Variants in EPB41L3 observed in about 807,000 individuals in gnomAD.
EPB41L3 encodes band 4.1-like protein 3.
Under a neutral mutation model 127.1 loss-of-function variants are expected in EPB41L3, and 57 were observed. The ratio of observed to expected loss-of-function variants is 0.45; its 90% CI spans 0.36 to 0.56. The LOEUF (loss-of-function observed/expected upper bound fraction) is 0.56. Among genes scored for constraint, EPB41L3 ranks in the 20% least tolerant of loss-of-function variants. The probability of loss-of-function intolerance (pLI) is 0.00; values close to 1 mark genes in which losing one functional copy is unlikely to be tolerated. For missense variants in EPB41L3, 1,273 were observed against 1,372.2 expected (o/e 0.93, Z 1.14); for synonymous variants, 572 against 549.5 (o/e 1.04, Z -0.57).
chr18:5,455,436 T>C (rs2082892562), intron 3 of EPB41L3, among the ~76,000 whole-genome samples: 1 of 152,200 alleles, frequency 6.6e-6, no homozygotes, highest in South Asian at 2.1e-4. Flanking sequence ...ATATTGGGTA[T>C]ACTGGCACAT....
At chr18:5,529,562 A>G (rs1376824721) in intron 1 of EPB41L3, among the ~76,000 whole-genome samples, 7 of 152,122 alleles carry the variant, frequency 4.6e-5, no homozygotes, top group African/African-American at 1.7e-4. Context: ...CTCATGGCGA[A>G]CTCACCAACA....
chr18:5,473,113 T>A (rs1398514834), intron 3 of EPB41L3, among the ~76,000 whole-genome samples: 1 of 152,114 alleles, frequency 6.6e-6, no homozygotes, highest in South Asian at 2.1e-4. Context: ...TATGGCTGCA[T>A]TTAAATTGCT....
intron 13 of EPB41L3, among the ~76,000 whole-genome samples, chr18:5,415,316 G>A (rs1264550381): frequency 1.3e-5 from 2 of 152,268 alleles, no homozygotes; most frequent in Non-Finnish European, 2.9e-5. Flanking sequence ...AGAGGGTGGT[G>A]GGGACATTTC....
intron 1 of EPB41L3, among the ~76,000 whole-genome samples, chr18:5,534,573 A>G (rs1205991226): frequency 6.6e-6 from 1 of 152,184 alleles, no homozygotes. Flanking sequence ...GGAGTTTCAT[A>G]CTCAAAAAAT....
In EPB41L3 at chr18:5,434,056, G is replaced by T; in HGVS notation, c.671C>A (p.Thr224Asn). Residue 224 changes from threonine to asparagine, a missense_variant, in exon 7 of 23, where the codon ACC becomes AAC. Thr to Asn is a moderately conservative substitution (Grantham distance 65). This residue lies in a region of EPB41L3 where 326 missense variants were observed against 440.2 expected (regional missense o/e 0.74). Coordinates refer to ENST00000341928, the MANE Select transcript of EPB41L3 (RefSeq NM_012307.5). ...VSGRLPCSFV[T>N]LALLGSYTVQ... ...AGTGTAGGAGCCCAGCAAGGCCAGG[G>T]TAACAAAGGAGCAGGGCAGCCTTCC... The T allele has an allele frequency of 6.2e-7, 1 of 1,614,174 alleles. No individual in the cohort carries two copies. Among genetic ancestry groups the T allele is most frequent in the Non-Finnish European group, 8.5e-7 (1 of 1,180,048 alleles).
chr18:5,507,840 G>C (rs537316431), intron 1 of EPB41L3, among the ~76,000 whole-genome samples: 54 of 152,284 alleles, frequency 3.5e-4, no homozygotes, highest in African/African-American at 1.1e-3. Context: ...TAGGCCTTAA[G>C]ATCACGAGTG....
intron 3 of EPB41L3, among the ~76,000 whole-genome samples, chr18:5,465,301 G>T (rs1482659012): frequency 1.3e-5 from 2 of 152,162 alleles, no homozygotes; most frequent in Admixed American, 6.5e-5. Context: ...TTAATGAGTA[G>T]CTGATGGGAA....
chr18:5,589,744 C>G (rs1183089941), intron 3 of EPB41L3, among the ~76,000 whole-genome samples: 1 of 152,140 alleles, frequency 6.6e-6, no homozygotes, highest in Non-Finnish European at 1.5e-5. Flanking sequence ...TAATTTTATG[C>G]ACACTTTTTT....
intron 1 of EPB41L3, among the ~76,000 whole-genome samples, chr18:5,512,782 T>C (rs536035515): frequency 6.6e-6 from 1 of 152,282 alleles, no homozygotes; most frequent in South Asian, 2.1e-4. Context: ...TTCCAGCTCC[T>C]ACCATAAGGT....
intron 3 of EPB41L3, among the ~76,000 whole-genome samples, chr18:5,450,712 A>C (rs1353249075): frequency 1.3e-5 from 2 of 152,256 alleles, no homozygotes; most frequent in Admixed American, 1.3e-4. Flanking sequence ...ATTTTCATTG[A>C]ATCGACATTT....
chr18:5,503,279 G>C lies in EPB41L3; in HGVS notation c.-11-14085C>G, dbSNP rs150241794. 2.2e-3 allele frequency among the ~76,000 whole-genome samples: 335 copies of C among 152,070 alleles called. 4 individuals are homozygous for C. In the South Asian group the frequency reaches 0.038, roughly 17 times the overall value. On this transcript the variant is annotated intron_variant, in intron 1 of 22. Coordinates refer to ENST00000341928, the MANE Select transcript of EPB41L3 (RefSeq NM_012307.5). ...ACCTAACTATTCATCCTACATTAACGTAACTGGATGCCACTATTTAGCAAA... is the reference window on the plus strand; with the variant it reads ...ACCTAACTATTCATCCTACATTAACCTAACTGGATGCCACTATTTAGCAAA...
intron 8 of EPB41L3, among the ~76,000 whole-genome samples, chr18:5,428,892 A>G (rs1307138379): frequency 6.6e-6 from 1 of 152,374 alleles, no homozygotes; most frequent in South Asian, 2.1e-4. Context: ...AAATAGGTAC[A>G]GAGTTCCAGC....
chr18:5,400,315 T>C, intron 16 of EPB41L3: 1 of 320,392 alleles, frequency 3.1e-6, no homozygotes. Flanking sequence ...AGGGAAGAGA[T>C]ATCAAACCAG....
At position 5,406,917 on chromosome 18, in the gene EPB41L3, C is replaced by T. The variant is rs1308048815; in HGVS notation, c.2209G>A (p.Glu737Lys). Reference sequence around the variant, plus strand: ...GTTTCTAAGAAGGTTCTTTTCAGCTCGCTAATGTTGGTTTGATGTTTCATC... The same window carrying T: ...GTTTCTAAGAAGGTTCTTTTCAGCTTGCTAATGTTGGTTTGATGTTTCATC... ...DLMKHQTNIS[E>K]LKRTFLETST... is the part of the protein sequence containing the mutation. Residue 737 changes from glutamate to lysine, a missense_variant, in exon 16 of 23, where the codon GAG becomes AAG. Glu to Lys is a moderately conservative substitution (Grantham distance 56). Coordinates refer to ENST00000341928, the MANE Select transcript of EPB41L3 (RefSeq NM_012307.5). 7 of 1,614,172 alleles carry T rather than the reference C, an allele frequency of 4.3e-6. No homozygotes were observed. Among genetic ancestry groups the T allele is most frequent in the South Asian group, 2.2e-5 (2 of 91,080 alleles).
intron 13 of EPB41L3, among the ~76,000 whole-genome samples, chr18:5,411,006 T>C (rs2076129968): frequency 6.6e-6 from 1 of 152,228 alleles, no homozygotes; most frequent in South Asian, 2.1e-4. Flanking sequence ...TTATATATAT[T>C]TTATTCTAGT....
At chr18:5,475,823 T>C (rs2087075376) in intron 3 of EPB41L3, among the ~76,000 whole-genome samples, 1 of 152,174 alleles carries the variant, frequency 6.6e-6, no homozygotes, top group African/African-American at 2.4e-5. Flanking sequence ...ATAAGCAATA[T>C]AGGCTTTAAA....
chr18:5,587,185 G>A (rs1354470916), intron 3 of EPB41L3, among the ~76,000 whole-genome samples: 1 of 152,108 alleles, frequency 6.6e-6, no homozygotes, highest in Non-Finnish European at 1.5e-5. Flanking sequence ...GAAGAAGCAG[G>A]GAAGGGCAGA....
chr18:5,441,222 G>C (rs1353646579), intron 5 of EPB41L3, among the ~76,000 whole-genome samples: 1 of 152,050 alleles, frequency 6.6e-6, no homozygotes, highest in Non-Finnish European at 1.5e-5. Context: ...TAAGATATTT[G>C]TTAGCTCGGT....
chr18:5,459,393 C>T (rs1293906180), intron 3 of EPB41L3, among the ~76,000 whole-genome samples: 2 of 118,486 alleles, frequency 1.7e-5, no homozygotes, highest in African/African-American at 6.7e-5. Flanking sequence ...GTCCATTGGT[C>T]TCTTTTTTTT....
Sources: gnomAD v4.1 joint callset for allele counts (sites outside exome capture counted in the v4.1 genomes callset) on GRCh38, gnomAD v4.1.1 for gene constraint, gnomAD v4.1.1 regional missense constraint, MANE v1.5 for transcripts, NCBI Gene and HGNC (gene_info 2026-07-23, HGNC 2026-07-21) for gene names.